SMG1: variants seen among roughly 807,000 people sequenced by gnomAD.
SMG1 encodes SMG1 nonsense mediated mRNA decay associated PI3K related kinase.
In SMG1, 22 loss-of-function variants were observed where a neutral mutation model predicts 419.9. That is an observed-to-expected ratio of 0.05 (90% CI 0.04 to 0.07). SMG1 has a LOEUF of 0.07. SMG1 is among the 10% of genes least tolerant of loss of function. The probability of loss-of-function intolerance (pLI) is 1.00; values close to 1 mark genes in which losing one functional copy is unlikely to be tolerated. For missense variants in SMG1, 3,185 were observed against 4,342.0 expected, an observed-to-expected ratio of 0.73 and a Z score of 7.49; for synonymous variants, 1,538 against 1,553.5, an observed-to-expected ratio of 0.99 and a Z score of 0.23.
chr16:18,845,371 G>C, intron 39 of SMG1, 58 bp downstream of exon 39: 1 of 1,420,860 alleles, frequency 7.0e-7, no homozygotes, highest in Non-Finnish European at 9.7e-7. Flanking sequence ...TTGAAATTTC[G>C]TATCTCATGG....
chr16:18,880,550 T>C (rs1567417274), intron 10 of SMG1, among the ~76,000 whole-genome samples: 1 of 152,064 alleles, frequency 6.6e-6, no homozygotes, highest in African/African-American at 2.4e-5. Flanking sequence ...TCATCTCTAC[T>C]AAATTTGTTT....
At chr16:18,922,535 G>C (rs553600922) in intron 1 of SMG1, among the ~76,000 whole-genome samples, 26 of 152,250 alleles carry the variant, frequency 1.7e-4, no homozygotes, top group South Asian at 1.0e-3. Context: ...GTGTGATGTC[G>C]CTCAGGACAA....
rs1400281083 is a variant in SMG1, at chr16:18,859,064, T to C, written c.4071A>G (p.Ser1357=). ...PVLSTLQLYC[S]SALENTVSNR... ...TAGAAACTGTGTTCTCCAAAGCAGA[T>C]GAGCAATACAGCTGCAAGGTACTTA... Residue 1357 remains serine, a synonymous_variant, in exon 28 of 63, where the codon TCA becomes TCG. Coordinates refer to ENST00000446231, the MANE Select transcript of SMG1 (RefSeq NM_015092.5). 14 of 1,534,214 alleles carry C rather than the reference T, an allele frequency of 9.1e-6. No individual in the cohort carries two copies. The highest frequency in any genetic ancestry group is 7.2e-5 in the East Asian group (3 of 41,480).
intron 1 of SMG1, chr16:18,899,898 A>G (rs2037279707): frequency 2.8e-6 from 2 of 711,982 alleles, no homozygotes; most frequent in Non-Finnish European, 4.9e-6. Flanking sequence ...AGAAAAAAAA[A>G]GAAATGCATA....
At chr16:18,903,016 A>T (rs574735985) in intron 1 of SMG1, among the ~76,000 whole-genome samples, 8 of 152,064 alleles carry the variant, frequency 5.3e-5, no homozygotes, top group African/African-American at 1.9e-4. Context: ...TCCCTACAAC[A>T]TTCCCAAAAT....
chr16:18,905,236 A>G (rs1390397851), intron 1 of SMG1, among the ~76,000 whole-genome samples: 1 of 152,196 alleles, frequency 6.6e-6, no homozygotes, highest in African/African-American at 2.4e-5. Flanking sequence ...ACTCCAGACC[A>G]GGCAACAGTG....
chr16:18,866,475 A>G, intron 23 of SMG1, 146 bp downstream of exon 23: 1 of 762,140 alleles, frequency 1.3e-6, no homozygotes, highest in Admixed American at 2.2e-5. Context: ...CAAACTGAAG[A>G]CGCCTCCTGG....
chr16:18,889,665 A>G, intron 5 of SMG1, 80 bp from the exon 6 acceptor site: 1 of 558,818 alleles, frequency 1.8e-6, no homozygotes, highest in Non-Finnish European at 3.2e-6. Flanking sequence ...TACATCTTAC[A>G]AAAGAATGTC....
chr16:18,817,198 C>G, intron 57 of SMG1, 93 bp downstream of exon 57: 1 of 1,053,734 alleles, frequency 9.5e-7, no homozygotes. Context: ...ACAGTATATG[C>G]TCAACGAATG....
At chr16:18,841,935 G>A in intron 40 of SMG1, 141 bp from the exon 41 acceptor site, 1 of 777,482 alleles carries the variant, frequency 1.3e-6, no homozygotes, top group South Asian at 1.7e-5. Flanking sequence ...ATTCTATTTT[G>A]GGACAAGATA....
intron 23 of SMG1, among the ~76,000 whole-genome samples, chr16:18,864,458 A>G (rs2141521086): frequency 6.6e-6 from 1 of 152,110 alleles, no homozygotes; most frequent in South Asian, 2.1e-4. Flanking sequence ...TCGGCCTCCC[A>G]AAATGCTGGG....
intron 57 of SMG1, 41 bp from the exon 58 acceptor site, chr16:18,816,570 G>T: frequency 6.6e-7 from 1 of 1,522,660 alleles, no homozygotes; most frequent in Non-Finnish European, 9.0e-7. Flanking sequence ...AGTATCAGCT[G>T]AAATAATGAG....
rs374936996 is a variant in SMG1 at position 18,850,420 on chromosome 16, T to A, written c.5100A>T (p.Glu1700Asp). The A allele has an allele frequency of 2.9e-5, 47 of 1,613,724 alleles. No homozygotes were observed. The African/African-American group carries it at 5.3e-4, about 18-fold the overall frequency. The change falls in exon 34 of 63, where the codon GAA becomes GAT. Residue 1700 changes from glutamate to aspartate, a missense_variant. Coordinates refer to ENST00000446231, the MANE Select transcript of SMG1 (RefSeq NM_015092.5). Reference sequence around the variant, plus strand: ...GCCAGATAACATCAACCATGTCATCTTCTTCGTTGTCTTCACTCTCAGTTA... The same window carrying A: ...GCCAGATAACATCAACCATGTCATCATCTTCGTTGTCTTCACTCTCAGTTA... ...LQITESEDNE[E>D]DDMVDVIWRQ...
intron 29 of SMG1, 61 bp from the exon 30 acceptor site, chr16:18,854,965 ATGGCC>A: frequency 1.3e-6 from 2 of 1,518,590 alleles, no homozygotes; most frequent in Non-Finnish European, 8.8e-7. Context: ...GCATGGAAAC[ATGGCC>A]AAAAAATTAT....
At position 18,830,174 on chromosome 16, in the gene SMG1, A is replaced by G. The variant is rs1596478375; in HGVS notation, c.8943+45T>C. On this transcript the variant is annotated intron_variant, in intron 52 of 62. Coordinates refer to ENST00000446231, the MANE Select transcript of SMG1 (RefSeq NM_015092.5). ...CCACTCTTGACACAACTGAACAACTACTTTATGGCACTTGCATTATTTTTA... is the reference window on the plus strand; with the variant it reads ...CCACTCTTGACACAACTGAACAACTGCTTTATGGCACTTGCATTATTTTTA... The G allele has an allele frequency of 5.6e-6, 9 of 1,610,096 alleles. No homozygotes were observed. The East Asian group carries it at 1.6e-4, about 28-fold the overall frequency.
At chr16:18,890,364 A>G (rs2036822186) in intron 5 of SMG1, among the ~76,000 whole-genome samples, 1 of 152,222 alleles carries the variant, frequency 6.6e-6, no homozygotes, top group African/African-American at 2.4e-5. Flanking sequence ...CCAGCCAGGC[A>G]CAGTGGCTCA....
chr16:18,863,318 GAAA>G (rs1166690501), intron 25 of SMG1, among the ~76,000 whole-genome samples: 1 of 152,180 alleles, frequency 6.6e-6, no homozygotes, highest in Non-Finnish European at 1.5e-5. Context: ...ACCTCATTTA[GAAA>G]CAAAGCCATC....
In SMG1 at chr16:18,850,341, C is replaced by G. The variant is rs2034519423; in HGVS notation, c.5179G>C (p.Glu1727Gln). Reference protein sequence around the residue: ...WLSELDESATEGVIKVWRKVV... With the variant: ...WLSELDESATQGVIKVWRKVV... ...TTCCTCCACACTTTAATAACTCCTTCAGTTGCACTTTCATCAAGTTCTGAA... is the reference window on the plus strand; with the variant it reads ...TTCCTCCACACTTTAATAACTCCTTGAGTTGCACTTTCATCAAGTTCTGAA... Residue 1727 changes from glutamate to glutamine, a missense_variant, in exon 34 of 63, where the codon GAA (glutamate) becomes CAA (glutamine). Transcript: ENST00000446231. 3.1e-6 allele frequency: 5 copies of G among 1,613,956 alleles called. No individual in the cohort carries two copies. Among genetic ancestry groups the G allele is most frequent in the Non-Finnish European group, 3.4e-6 (4 of 1,179,848 alleles).
intron 8 of SMG1, 150 bp from the exon 9 acceptor site, chr16:18,884,317 T>C (rs1403397698): frequency 1.9e-5 from 9 of 471,874 alleles, no homozygotes; most frequent in Non-Finnish European, 3.5e-5. Context: ...AAATTAAGAC[T>C]GTTAAACATG....
Sources: gnomAD v4.1 joint callset for allele counts (sites outside exome capture counted in the v4.1 genomes callset) on GRCh38, gnomAD v4.1.1 for gene constraint, MANE v1.5 for transcripts, NCBI Gene and HGNC (gene_info 2026-07-23, HGNC 2026-07-21) for gene names.